The following TFAP2B variants were observed in gnomAD, a reference collection of about 807,000 sequenced individuals.
The protein encoded by TFAP2B is transcription factor AP-2-beta.
A neutral mutation model predicts 44.3 loss-of-function variants in TFAP2B; 9 were observed. The observed-to-expected ratio is 0.20, with a 90% confidence interval of 0.12 to 0.35. The LOEUF (loss-of-function observed/expected upper bound fraction) is 0.35, where lower values mean the gene tolerates loss of function less well. Ranked by LOEUF, TFAP2B falls within the 10% of genes least tolerant of loss-of-function variation. The pLI, the probability that TFAP2B is intolerant of heterozygous loss-of-function variation, is 1.00. For synonymous variants in TFAP2B, 270 were observed against 263.8 expected (o/e 1.02, Z -0.23); for missense variants, 509 against 600.0 (o/e 0.85, Z 1.59).
chr6:50,824,658 A>C (rs1194202964), intron 2 of TFAP2B, among the ~76,000 whole-genome samples: 1 of 152,126 alleles, frequency 6.6e-6, no homozygotes, highest in Non-Finnish European at 1.5e-5. Context: ...CCCCACTGCC[A>C]TCATCCCAGT....
chr6:50,838,127 C>A, intron 5 of TFAP2B, 34 bp downstream of exon 5: 3 of 1,465,666 alleles, frequency 2.0e-6, no homozygotes, highest in Non-Finnish European at 2.9e-6. Flanking sequence ...CACGAAGTGG[C>A]TGAGCTTAAC....
intron 4 of TFAP2B, 106 bp from the exon 5 acceptor site, chr6:50,837,869 C>CA (rs368970132): frequency 1.1e-6 from 1 of 925,166 alleles, no homozygotes. Flanking sequence ...GTGCTAACCT[C>CA]AAGTTAAAAC....
At position 50,843,173 on chromosome 6, in the gene TFAP2B, G is replaced by A; in HGVS notation, c.1164G>A (p.Glu388=). Residue 388 remains glutamate, a synonymous_variant, in exon 7 of 7, where the codon GAG becomes GAA. Coordinates refer to ENST00000393655, the MANE Select transcript of TFAP2B (RefSeq NM_003221.4). ...ACAGCCGACCCAGCCCCATCCTGGAGCCGGGGATCCAGAGCTGCCTCACGC... is the reference window on the plus strand; with the variant it reads ...ACAGCCGACCCAGCCCCATCCTGGAACCGGGGATCCAGAGCTGCCTCACGC... ...IGNSRPSPIL[E]PGIQSCLTHF... 6.2e-7 allele frequency: 1 copy of A among 1,614,212 alleles called. No homozygotes were observed. The highest frequency in any genetic ancestry group is 2.2e-5 in the East Asian group (1 of 44,874).
Position 50,840,209 on chromosome 6 carries a change from C to T in TFAP2B, c.994C>T (p.Pro332Ser). 6.2e-7 allele frequency: 1 copy of T among 1,614,148 alleles called. No individual in the cohort carries two copies. ...DFGYICETEF[P>S]AKAVSEYLNR... ...TGGGTACATTTGCGAAACGGAGTTT[C>T]CCGCCAAAGCCGTCTCTGAGTATTT... The change falls in exon 6 of 7, where the codon CCC (proline) becomes TCC (serine). Residue 332 changes from proline to serine, a missense_variant. By Grantham distance (74) the Pro-to-Ser change is moderately conservative. Coordinates refer to ENST00000393655, the MANE Select transcript of TFAP2B (RefSeq NM_003221.4).
Position 50,823,606 on chromosome 6 carries a change from C to G in TFAP2B, c.281C>G (p.Ser94Cys). Residue 94 changes from serine (S) to cysteine (C), a missense_variant, in exon 2 of 7, where the codon TCC becomes TGC. Transcript: ENST00000393655. ...DPYSHVNDPYSLNPLHQPQQH... is the reference protein window; with the variant it reads ...DPYSHVNDPYCLNPLHQPQQH... ...TACTCCCACGTCAACGACCCCTACT[C>G]CCTGAACCCACTGCACCAGCCCCAG... 1.2e-6 allele frequency: 2 copies of G among 1,614,148 alleles called. No homozygotes were observed. Among genetic ancestry groups the G allele is most frequent in the Non-Finnish European group, 1.7e-6 (2 of 1,180,012 alleles).
chr6:50,842,940 G>T (rs1258741689), intron 6 of TFAP2B, 152 bp from the exon 7 acceptor site: 2 of 1,093,230 alleles, frequency 1.8e-6, no homozygotes, highest in African/African-American at 3.1e-5. Context: ...CGAGAAGGGA[G>T]GGCGCTGGGA....
intron 5 of TFAP2B, 75 bp from the exon 6 acceptor site, chr6:50,840,081 G>T: frequency 6.3e-7 from 1 of 1,591,528 alleles, no homozygotes; most frequent in South Asian, 1.1e-5. Flanking sequence ...TAACAAAGCT[G>T]ACAAGGGAAT....
chr6:50,828,379 C>T (rs955973056), intron 2 of TFAP2B, among the ~76,000 whole-genome samples: 10 of 152,076 alleles, frequency 6.6e-5, no homozygotes, highest in African/African-American at 1.9e-4. Flanking sequence ...ATAACTAAAC[C>T]AATGTTGCAT....
intron 5 of TFAP2B, 54 bp from the exon 6 acceptor site, chr6:50,840,102 T>C: frequency 6.2e-7 from 1 of 1,610,166 alleles, no homozygotes; most frequent in South Asian, 1.1e-5. Context: ...GTCTCCGCCC[T>C]GGGATATTTA....
At position 50,823,413 on chromosome 6, in the gene TFAP2B, C is replaced by A; in HGVS notation, c.88C>A (p.His30Asn). The A allele has an allele frequency of 6.3e-7, 1 of 1,592,236 alleles. No homozygotes were observed. Among genetic ancestry groups the A allele is most frequent in the Non-Finnish European group, 8.5e-7 (1 of 1,169,686 alleles). The stretch of plus-strand genomic sequence containing the variant: ...TTCCTCTCTCCGCTCCCAGGACCGG[C>A]ACGATGGTGTCCCGAGCCACAGCTC... ...VKYEDIYEDRHDGVPSHSSRL... is the reference protein window; with the variant it reads ...VKYEDIYEDRNDGVPSHSSRL... The change falls in exon 2 of 7, where the codon CAC becomes AAC. Residue 30 changes from histidine (H) to asparagine (N), a missense_variant. Around this residue, in one of 3 missense-constraint regions of TFAP2B, gnomAD observed 296 missense variants for 308.2 expected, o/e 0.96. Transcript: ENST00000393655.
chr6:50,840,414 A>G, intron 6 of TFAP2B, 117 bp downstream of exon 6: 3 of 1,337,616 alleles, frequency 2.2e-6, no homozygotes, highest in Non-Finnish European at 3.2e-6. Flanking sequence ...TAGAAGTAGC[A>G]TTTGCAGCCT....
chr6:50,821,117 A>G (rs1581805904), intron 1 of TFAP2B, among the ~76,000 whole-genome samples: 1 of 152,228 alleles, frequency 6.6e-6, no homozygotes, highest in East Asian at 1.9e-4. Flanking sequence ...GGGTTCCTGA[A>G]ACATCCAAAA....
Position 50,843,529 on chromosome 6 carries a change from A to T in TFAP2B, c.*137A>T, listed in dbSNP as rs543173953. On this transcript the variant is annotated 3_prime_UTR_variant, in exon 7 of 7. Transcript: ENST00000393655. ...AGAATACACATACAATCAAAATTTT[A>T]AAAAAAAAAGCTAAATAACTTAAAA... 2,087 of 887,232 alleles carry T rather than the reference A, an allele frequency of 2.4e-3. 25 individuals carry two copies. The African/African-American group carries it at 0.026, about 11-fold the overall frequency. 55.0% of individuals were successfully genotyped at this position (887,232 alleles called of 1,614,324 possible).
intron 4 of TFAP2B, among the ~76,000 whole-genome samples, chr6:50,836,510 C>T (rs980988404): frequency 1.3e-5 from 2 of 152,182 alleles, no homozygotes; most frequent in African/African-American, 2.4e-5. Flanking sequence ...CAGGCCTGCC[C>T]GCGCCGCGCA....
intron 3 of TFAP2B, among the ~76,000 whole-genome samples, chr6:50,830,133 G>C (rs569242426): frequency 1.3e-5 from 2 of 152,134 alleles, no homozygotes; most frequent in East Asian, 3.9e-4. Context: ...GGGTGGGGTC[G>C]GGGAGGAGCT....
chr6:50,843,801 T>G lies in TFAP2B; in HGVS notation c.*409T>G, dbSNP rs1762784436. On this transcript the variant is annotated 3_prime_UTR_variant, in exon 7 of 7. Coordinates refer to ENST00000393655, the MANE Select transcript of TFAP2B (RefSeq NM_003221.4). ...GTCAATGCTTTGAGAGCTGGTTGACTGAGACGCACGAACTTTTTAATTTTA... is the reference window on the plus strand; with the variant it reads ...GTCAATGCTTTGAGAGCTGGTTGACGGAGACGCACGAACTTTTTAATTTTA... The G allele has an allele frequency of 6.0e-6, 1 of 167,166 alleles. No individual in the cohort carries two copies. Among genetic ancestry groups the G allele is most frequent in the African/African-American group, 2.4e-5 (1 of 41,638 alleles). 10.4% of individuals were successfully genotyped at this position (167,166 alleles called of 1,614,324 possible). A position where few individuals can be genotyped will look rare whatever the true frequency, so the allele number is the denominator to read the frequency against.
upstream of TFAP2B, chr6:50,818,784 C>T (rs985020577): frequency 1.1e-6 from 1 of 947,150 alleles, no homozygotes; most frequent in East Asian, 2.5e-5. Context: ...ATATAAGTTG[C>T]GATGGGAGAG....
At chr6:50,833,443 A>G (rs1762555732) in intron 3 of TFAP2B, among the ~76,000 whole-genome samples, 1 of 152,178 alleles carries the variant, frequency 6.6e-6, no homozygotes, top group South Asian at 2.1e-4. Context: ...TGGGAACACA[A>G]TTGTGATACT....
In TFAP2B at chr6:50,843,921, A is replaced by G. The variant is rs1762787356; in HGVS notation, c.*529A>G. ...TTCCATGTTACCCTCCCTTCCTCAC[A>G]TTGTTACGGGAATCTTCTGGGATGA... is the stretch of plus-strand genomic sequence containing the variant. On this transcript the variant is annotated 3_prime_UTR_variant, in exon 7 of 7. Coordinates refer to ENST00000393655, the MANE Select transcript of TFAP2B (RefSeq NM_003221.4). The G allele has an allele frequency of 6.4e-6, 1 of 156,664 alleles. No individual in the cohort carries two copies. The highest frequency in any genetic ancestry group is 2.4e-5 in the African/African-American group (1 of 41,298). The allele number at this position is 156,664 out of a possible 1,614,324, so 9.7% of individuals were successfully genotyped here.
Sources: gnomAD v4.1 joint callset for allele counts (sites outside exome capture counted in the v4.1 genomes callset) on GRCh38, gnomAD v4.1.1 for gene constraint, gnomAD v4.1.1 regional missense constraint, MANE v1.5 for transcripts, NCBI Gene and HGNC (gene_info 2026-07-23, HGNC 2026-07-21) for gene names.